The following GTPBP4 variants were observed in gnomAD, a reference collection of about 807,000 sequenced individuals.
GTPBP4 encodes GTP-binding protein 4.
A neutral mutation model predicts 81.7 loss-of-function variants in GTPBP4; 15 were observed. The ratio of observed to expected loss-of-function variants is 0.18; its 90% CI spans 0.12 to 0.28. GTPBP4 has a LOEUF of 0.28. Ranked by LOEUF, GTPBP4 falls within the 10% of genes least tolerant of loss-of-function variation. The pLI is 1.00. For missense variants in GTPBP4, 847 were observed against 793.8 expected (o/e 1.07, Z -0.81); for synonymous variants, 272 against 274.6 (o/e 0.99, Z 0.09).
chr10:997,643 A>G (rs1831557711), intron 5 of GTPBP4, among the ~76,000 whole-genome samples: 1 of 152,240 alleles, frequency 6.6e-6, no homozygotes, highest in African/African-American at 2.4e-5. Context: ...AATTTGAGAC[A>G]TGTAAGTGCA....
intron 10 of GTPBP4, among the ~76,000 whole-genome samples, chr10:1,008,576 C>T (rs1831793816): frequency 6.6e-6 from 1 of 152,162 alleles, no homozygotes; most frequent in Non-Finnish European, 1.5e-5. Flanking sequence ...TTCTTATATG[C>T]ACTTGAGTTT....
rs758583790 is a variant in GTPBP4 at position 1,019,649 on chromosome 10, C to T, written c.*2422C>T. On this transcript the variant is annotated 3_prime_UTR_variant, in exon 17 of 17. Transcript: ENST00000360803. ...CTTTGACTTCACCCCTCGCCTCCCTCTCCAGCAGCTCCCACAGCTCCTCCT... is the reference window on the plus strand; with the variant it reads ...CTTTGACTTCACCCCTCGCCTCCCTTTCCAGCAGCTCCCACAGCTCCTCCT... 2.5e-6 allele frequency: 4 copies of T among 1,614,090 alleles called. No individual in the cohort carries two copies. Among genetic ancestry groups the T allele is most frequent in the Non-Finnish European group, 3.4e-6 (4 of 1,180,026 alleles).
chr10:1,005,995 T>C, intron 9 of GTPBP4, 88 bp downstream of exon 9: 2 of 745,538 alleles, frequency 2.7e-6, no homozygotes, highest in Non-Finnish European at 4.5e-6. Context: ...GTTTTCTTTC[T>C]AGACATTGTT....
rs573082203 is a variant in GTPBP4 at position 988,493 on chromosome 10, A to G, written c.14A>G (p.Asn5Ser). 2 of 1,613,158 alleles carry G rather than the reference A, an allele frequency of 1.2e-6. No individual in the cohort carries two copies. The highest frequency in any genetic ancestry group is 3.3e-5 in the Admixed American group (2 of 59,986). MAHY[N>S]FKKITVVPSA... The stretch of plus-strand genomic sequence containing the variant: ...ACGGCTGCCGGCATGGCACATTACA[A>G]CTTCAAGAAAATTACGGTGGTGCCG... The change falls in exon 1 of 17, where the codon AAC (asparagine) becomes AGC (serine). Residue 5 changes from asparagine to serine, a missense_variant. Around this residue, in one of 3 missense-constraint regions of GTPBP4, gnomAD observed 241 missense variants for 216.3 expected, o/e 1.11. Transcript: ENST00000360803.
chr10:1,009,601 A>G (rs755721383), intron 12 of GTPBP4, 21 bp downstream of exon 12: 2 of 1,416,854 alleles, frequency 1.4e-6, no homozygotes, highest in Non-Finnish European at 2.0e-6. Context: ...GAGTGTGATC[A>G]TTATTATAAA....
Position 996,156 on chromosome 10 carries a change from G to T in GTPBP4, c.374G>T (p.Arg125Leu). The T allele has an allele frequency of 6.2e-7, 1 of 1,611,996 alleles. No individual in the cohort carries two copies. The highest frequency in any genetic ancestry group is 8.5e-7 in the Non-Finnish European group (1 of 1,178,220). ...RLMKYGDSLY[R>L]CKQLKRAALG... is the part of the protein sequence containing the mutation. ...ATGAAGTATGGCGACTCTCTCTACCGCTGCAAACAGCTGAAGCGTGCGGCC... is the reference window on the plus strand; with the variant it reads ...ATGAAGTATGGCGACTCTCTCTACCTCTGCAAACAGCTGAAGCGTGCGGCC... The change falls in exon 4 of 17, where the codon CGC becomes CTC. Residue 125 changes from arginine to leucine, a missense_variant. Arg to Leu is a moderately radical substitution (Grantham distance 102). Coordinates refer to ENST00000360803, the MANE Select transcript of GTPBP4 (RefSeq NM_012341.3).
rs771759936 is a variant in GTPBP4, at chr10:1,008,987, G to T, written c.1143G>T (p.Val381=). 1 of 1,612,782 alleles carries T rather than the reference G, an allele frequency of 6.2e-7. No individual in the cohort carries two copies. The highest frequency in any genetic ancestry group is 2.2e-5 in the East Asian group (1 of 44,882). ...GGCCCCCTTTCATCCCTGAAGGAGT[G>T]GTGGCTCGCAGGAAGAGGATGGAAA... ...KERPPFIPEG[V]VARRKRMETE... is the part of the protein sequence containing the mutation. Residue 381 remains valine, a synonymous_variant, in exon 11 of 17, where the codon GTG becomes GTT. Transcript: ENST00000360803.
intron 8 of GTPBP4, among the ~76,000 whole-genome samples, chr10:1,004,139 G>A (rs1230055543): frequency 6.6e-6 from 1 of 152,164 alleles, no homozygotes; most frequent in Non-Finnish European, 1.5e-5. Context: ...AGAAACCTGA[G>A]CCAGTAGGGA....
intron 1 of GTPBP4, 118 bp from the exon 2 acceptor site, chr10:992,371 G>C (rs2132154862): frequency 1.6e-6 from 1 of 622,770 alleles, no homozygotes; most frequent in Non-Finnish European, 2.8e-6. Flanking sequence ...CTGCACTCCA[G>C]CCTGGGCGAC....
In GTPBP4 at chr10:1,014,321, G is replaced by T; in HGVS notation, c.1608+9G>T. ...TGGACGATAAAGACGATGTGAGTGT[G>T]GGGGCGGTTCATGTGTTTATGTGGC... On this transcript the variant is annotated intron_variant, in intron 15 of 16. Transcript: ENST00000360803. 6.3e-7 allele frequency: 1 copy of T among 1,597,530 alleles called. No homozygotes were observed. Among genetic ancestry groups the T allele is most frequent in the Non-Finnish European group, 8.6e-7 (1 of 1,165,292 alleles).
chr10:990,957 G>A (rs916139749), intron 1 of GTPBP4, among the ~76,000 whole-genome samples: 1 of 151,860 alleles, frequency 6.6e-6, no homozygotes, highest in African/African-American at 2.4e-5. Context: ...AGAAGATCTT[G>A]TGTGGGCCCA....
At chr10:1,001,177 C>T (rs999019769) in intron 8 of GTPBP4, among the ~76,000 whole-genome samples, 164 bp downstream of exon 8, 2 of 152,194 alleles carry the variant, frequency 1.3e-5, no homozygotes, top group African/African-American at 4.8e-5. Flanking sequence ...ATAATAAAAA[C>T]TTAGTTATTG....
Position 997,294 on chromosome 10 carries a change from A to G in GTPBP4, c.547A>G (p.Ser183Gly). 1.3e-6 allele frequency: 2 copies of G among 1,574,088 alleles called. No homozygotes were observed. Among genetic ancestry groups the G allele is most frequent in the East Asian group, 2.2e-5 (1 of 44,704 alleles). The stretch of plus-strand genomic sequence containing the variant: ...TGGGTACCCAAATGTTGGGAAGTCC[A>G]GCTTCATCAACAAGGTTGGTCTGGT... ...LCGYPNVGKS[S>G]FINKVTRADV... The change falls in exon 5 of 17, where the codon AGC becomes GGC. Residue 183 changes from serine (S) to glycine (G), a missense_variant. Ser to Gly is a moderately conservative substitution (Grantham distance 56). Around this residue, in one of 3 missense-constraint regions of GTPBP4, gnomAD observed 6 missense variants for 20.4 expected, o/e 0.29. Coordinates refer to ENST00000360803, the MANE Select transcript of GTPBP4 (RefSeq NM_012341.3).
At chr10:1,009,912 T>G (rs1831818339) in intron 12 of GTPBP4, among the ~76,000 whole-genome samples, 1 of 152,196 alleles carries the variant, frequency 6.6e-6, no homozygotes, top group Non-Finnish European at 1.5e-5. Flanking sequence ...GGAGGATCAC[T>G]TGACCCTAGG....
At position 1,000,857 on chromosome 10, in the gene GTPBP4, T is replaced by G; in HGVS notation, c.835T>G (p.Phe279Val). 1.9e-6 allele frequency: 3 copies of G among 1,611,322 alleles called. No homozygotes were observed. The highest frequency in any genetic ancestry group is 2.2e-5 in the South Asian group (2 of 90,690). Residue 279 changes from phenylalanine (F) to valine (V), a missense_variant, in exon 7 of 17, where the codon TTC becomes GTC. By Grantham distance (50) the Phe-to-Val change is conservative. Transcript: ENST00000360803. ...LELFQNIRPL[F>V]INKPLIVVAN... ...ACTCTTCCAGAACATCAGACCTCTC[T>G]TCATCAACAAGGTGTGTGTGGTCAC...
chr10:1,015,360 T>TGGGGTCCTGAGCTCTGAGCCTGGGA (rs1564472156), intron 15 of GTPBP4, among the ~76,000 whole-genome samples: 9 of 74,122 alleles, frequency 1.2e-4, no homozygotes, highest in Admixed American at 1.4e-4. Flanking sequence ...TGAGCCTGGG[T>TGGGGTCCTGAGCTCTGAGCCTGGGA]GCGGGGCTGG....
intron 13 of GTPBP4, among the ~76,000 whole-genome samples, chr10:1,011,344 T>C (rs961649371): frequency 6.6e-6 from 1 of 152,180 alleles, no homozygotes; most frequent in Non-Finnish European, 1.5e-5. Flanking sequence ...TTACTCATCT[T>C]TTTAAAAAAC....
At chr10:990,600 G>A (rs916180682) in intron 1 of GTPBP4, among the ~76,000 whole-genome samples, 2 of 151,338 alleles carry the variant, frequency 1.3e-5, no homozygotes, top group East Asian at 3.9e-4. Flanking sequence ...GCGGGCGCCT[G>A]TAGTCCCAGC....
chr10:1,013,209 C>T (rs1371849338), intron 14 of GTPBP4, among the ~76,000 whole-genome samples: 2 of 152,090 alleles, frequency 1.3e-5, no homozygotes, highest in African/African-American at 4.8e-5. Flanking sequence ...GTCTCAAACT[C>T]CTTACCTCAA....
Sources: gnomAD v4.1 joint callset for allele counts (sites outside exome capture counted in the v4.1 genomes callset) on GRCh38, gnomAD v4.1.1 for gene constraint, gnomAD v4.1.1 regional missense constraint, MANE v1.5 for transcripts, NCBI Gene and HGNC (gene_info 2026-07-23, HGNC 2026-07-21) for gene names.